THSD4: variants seen among roughly 807,000 people sequenced by gnomAD.
The protein encoded by THSD4 is thrombospondin type-1 domain-containing protein 4.
In THSD4, 69 loss-of-function variants were observed where a neutral mutation model predicts 119.0. The ratio of observed to expected loss-of-function variants is 0.58; its 90% CI spans 0.48 to 0.71. THSD4 has a LOEUF of 0.71. THSD4 is among the 30% of genes least tolerant of loss of function. The probability of loss-of-function intolerance (pLI) is 0.00; values close to 1 mark genes in which losing one functional copy is unlikely to be tolerated. For missense variants in THSD4, 1,393 were observed against 1,391.1 expected, an observed-to-expected ratio of 1.00 and a Z score of -0.02; for synonymous variants, 524 against 540.4, an observed-to-expected ratio of 0.97 and a Z score of 0.42.
intron 1 of THSD4, among the ~76,000 whole-genome samples, chr15:71,122,024 T>C (rs7163811): frequency 0.85 from 129,167 of 152,088 alleles, 56,810 homozygotes; most frequent in East Asian, 1. Context: ...TCTTCAAGTT[T>C]TGAAGTCTCA....
At chr15:71,238,434 C>T (rs976223409) in intron 4 of THSD4, among the ~76,000 whole-genome samples, 3 of 152,152 alleles carry the variant, frequency 2.0e-5, no homozygotes, top group Non-Finnish European at 4.4e-5. Context: ...GTTCCATCAT[C>T]CTAAAAAGAC....
chr15:71,700,097 A>T (rs1289314027), intron 8 of THSD4, among the ~76,000 whole-genome samples: 1 of 152,184 alleles, frequency 6.6e-6, no homozygotes, highest in Non-Finnish European at 1.5e-5. Flanking sequence ...CAGCCAATGA[A>T]ATGAGACAAG....
At chr15:71,246,199 C>G (rs1419413516) in intron 5 of THSD4, among the ~76,000 whole-genome samples, 1 of 152,040 alleles carries the variant, frequency 6.6e-6, no homozygotes, top group Non-Finnish European at 1.5e-5. Context: ...CAGGTTCAGA[C>G]AAGATGGAGT....
chr15:71,566,429 A>G (rs932364500), intron 7 of THSD4, among the ~76,000 whole-genome samples: 1 of 151,926 alleles, frequency 6.6e-6, no homozygotes, highest in Admixed American at 6.6e-5. Flanking sequence ...GGTGTTAGAT[A>G]CTCTCCTTTA....
At chr15:71,763,447 A>G (rs1179515844) in intron 15 of THSD4, among the ~76,000 whole-genome samples, 2 of 152,208 alleles carry the variant, frequency 1.3e-5, no homozygotes, top group Non-Finnish European at 2.9e-5. Flanking sequence ...ACAGTGGCTC[A>G]CGCCTGTAAT....
intron 8 of THSD4, among the ~76,000 whole-genome samples, chr15:71,718,302 G>A (rs946582728): frequency 6.6e-6 from 1 of 152,170 alleles, no homozygotes; most frequent in South Asian, 2.1e-4. Context: ...GAGACCCATT[G>A]ACAAAATTAG....
intron 8 of THSD4, among the ~76,000 whole-genome samples, chr15:71,699,360 C>T (rs2141067709): frequency 1.5e-5 from 1 of 65,196 alleles, no homozygotes; most frequent in South Asian, 5.2e-4. Flanking sequence ...CTACAGGCGC[C>T]CGCCACTACG....
intron 14 of THSD4, among the ~76,000 whole-genome samples, chr15:71,750,587 G>C (rs901493608): frequency 1.3e-5 from 2 of 152,176 alleles, no homozygotes; most frequent in Non-Finnish European, 2.9e-5. Flanking sequence ...ACACCTCATG[G>C]CATATGGCCC....
At chr15:71,618,351 T>C (rs977664363) in intron 7 of THSD4, among the ~76,000 whole-genome samples, 9 of 152,164 alleles carry the variant, frequency 5.9e-5, no homozygotes, top group African/African-American at 1.9e-4. Flanking sequence ...GCGCACACTT[T>C]AACAGCAGTT....
chr15:71,517,869 G>T (rs959096183), intron 7 of THSD4, among the ~76,000 whole-genome samples: 5 of 152,232 alleles, frequency 3.3e-5, no homozygotes, highest in African/African-American at 9.6e-5. Context: ...TGCCTTGAAG[G>T]CCTGATGCCA....
At chr15:71,278,130 GAGA>G (rs1291357538) in intron 6 of THSD4, among the ~76,000 whole-genome samples, 6 of 152,180 alleles carry the variant, frequency 3.9e-5, no homozygotes, top group African/African-American at 1.4e-4. Context: ...ATAAAACAGG[GAGA>G]AGTCCCACAT....
At chr15:71,296,752 C>G (rs190819816) in intron 6 of THSD4, among the ~76,000 whole-genome samples, 125 of 152,290 alleles carry the variant, frequency 8.2e-4, no homozygotes, top group African/African-American at 2.7e-3. Context: ...CATCTGAAAA[C>G]GTCGTATTCC....
intron 1 of THSD4, among the ~76,000 whole-genome samples, chr15:71,106,202 G>A (rs2040273613): frequency 6.6e-6 from 1 of 152,066 alleles, no homozygotes; most frequent in Non-Finnish European, 1.5e-5. Context: ...AGAGGGCCAG[G>A]GATCTCGTGC....
intron 7 of THSD4, among the ~76,000 whole-genome samples, chr15:71,442,495 G>T (rs1306756885): frequency 6.9e-6 from 1 of 144,478 alleles, no homozygotes; most frequent in African/African-American, 2.5e-5. Context: ...CTTGAACCCG[G>T]GAGGCAGAGG....
At chr15:71,172,199 C>T (rs2043373367) in intron 3 of THSD4, 1 of 152,030 alleles carries the variant, frequency 6.6e-6, no homozygotes, top group African/African-American at 2.4e-5. Context: ...GTGGCACGCG[C>T]CTGTAATCCC....
chr15:71,148,156 C>T (rs915025846), intron 2 of THSD4, among the ~76,000 whole-genome samples: 10 of 152,040 alleles, frequency 6.6e-5, no homozygotes, highest in African/African-American at 1.9e-4. Flanking sequence ...TTTCACTCTG[C>T]GCGAGCCAGG....
At chr15:71,172,677 C>CTATA (rs2043382770) in intron 3 of THSD4, among the ~76,000 whole-genome samples, 1 of 22,150 alleles carries the variant, frequency 4.5e-5, no homozygotes, top group African/African-American at 1.2e-4. Context: ...GAAAATAGAC[C>CTATA]TATACATATA....
chr15:71,268,673 G>GTT lies in THSD4; in HGVS notation c.1015+11971_1015+11972dup, dbSNP rs34513059. 5.7e-3 allele frequency among the ~76,000 whole-genome samples: 786 copies of GTT among 138,782 alleles called. 7 individuals carry two copies. Among genetic ancestry groups the GTT allele is most frequent in the East Asian group, 0.019 (90 of 4,744 alleles). The allele number at this position is 138,782 out of a possible 152,430, so 91.0% of individuals were successfully genotyped here. ...AAAACAATCAGTGAATCCAGGAACT[G>GTT]TTTTTTTTTTTTTTGAAAAGATTAG... On this transcript the variant is annotated intron_variant, in intron 6 of 17. Transcript: ENST00000261862.
chr15:71,239,802 G>C (rs1038527476), intron 4 of THSD4, among the ~76,000 whole-genome samples: 6 of 152,198 alleles, frequency 3.9e-5, no homozygotes, highest in Admixed American at 3.9e-4. Context: ...GCGGCCAGAT[G>C]GACTCTGTCC....
Sources: gnomAD v4.1 joint callset for allele counts (sites outside exome capture counted in the v4.1 genomes callset) on GRCh38, gnomAD v4.1.1 for gene constraint, MANE v1.5 for transcripts, NCBI Gene and HGNC (gene_info 2026-07-23, HGNC 2026-07-21) for gene names.